The following BOD1L1 variants were observed in gnomAD, a reference collection of about 807,000 sequenced individuals.
BOD1L1 encodes biorientation of chromosomes in cell division protein 1-like 1.
In BOD1L1, 86 loss-of-function variants were observed where a neutral mutation model predicts 240.7. That is an observed-to-expected ratio of 0.36 (90% confidence interval 0.30 to 0.43). The LOEUF (loss-of-function observed/expected upper bound fraction) is 0.43, where lower values mean the gene tolerates loss of function less well. Among genes scored for constraint, BOD1L1 ranks in the 20% least tolerant of loss-of-function variants. The pLI, the probability that BOD1L1 is intolerant of heterozygous loss-of-function variation, is 1.00. For synonymous variants in BOD1L1, 1,268 were observed against 1,272.3 expected (o/e 1.00, Z 0.07); for missense variants, 3,554 against 3,643.5 (o/e 0.98, Z 0.63).
chr4:13,595,882 A>C lies in BOD1L1; in HGVS notation c.8082T>G (p.Cys2694Trp). ...GEILAPPESL[C>W]GGKPSGIAEL... Reference sequence around the variant, plus strand: ...CACCTATTCCACTTGGCTTTCCCCCACACAGACTTTCTGGTGGTGCCAGAA... The same window carrying C: ...CACCTATTCCACTTGGCTTTCCCCCCCACAGACTTTCTGGTGGTGCCAGAA... The change falls in exon 12 of 26, where the codon TGT (cysteine) becomes TGG (tryptophan). Residue 2694 changes from cysteine to tryptophan, a missense_variant. By Grantham distance (215) the Cys-to-Trp change is radical. Around this residue, in one of 2 missense-constraint regions of BOD1L1, gnomAD observed 3,393 missense variants for 3,427.1 expected, o/e 0.99. Transcript: ENST00000040738. The C allele has an allele frequency of 6.2e-7, 1 of 1,613,796 alleles. No homozygotes were observed. The highest frequency in any genetic ancestry group is 8.5e-7 in the Non-Finnish European group (1 of 1,179,840).
Position 13,596,073 on chromosome 4 carries a change from C to T in BOD1L1, c.8020-129G>A, listed in dbSNP as rs1263726540. On this transcript the variant is annotated intron_variant, in intron 11 of 25. Coordinates refer to ENST00000040738, the MANE Select transcript of BOD1L1 (RefSeq NM_148894.3). ...ATAAAAGCCTATTTTCAAGAGTACA[C>T]AAAACTTAAAAATAAATACATCAAC... The T allele has an allele frequency of 5.1e-5, 36 of 712,368 alleles. No homozygotes were observed. The Admixed American group carries it at 7.6e-4, about 15-fold the overall frequency. The allele number at this position is 712,368 out of a possible 1,614,324, so 44.1% of individuals were successfully genotyped here. A position where few individuals can be genotyped will look rare whatever the true frequency, so the allele number is the denominator to read the frequency against.
intron 24 of BOD1L1, among the ~76,000 whole-genome samples, 185 bp downstream of exon 24, chr4:13,577,218 T>G (rs1268642333): frequency 6.6e-6 from 1 of 152,168 alleles, no homozygotes; most frequent in Non-Finnish European, 1.5e-5. Context: ...CATAAAAAAT[T>G]GACATGTACT....
Position 13,604,499 on chromosome 4 carries a change from C to A in BOD1L1, c.2401G>T (p.Val801Leu). ...SKHRNERKLS[V>L]LGKDGKPVSE... is the part of the protein sequence containing the mutation. ...ACTGGCTTTCCATCTTTGCCTAATA[C>A]TGATAATTTCCTTTCATTCCTATGT... is the stretch of plus-strand genomic sequence containing the variant. The change falls in exon 10 of 26, where the codon GTA becomes TTA. Residue 801 changes from valine (V) to leucine (L), a missense_variant. Physicochemically the swap from Val to Leu is conservative, Grantham distance 32 (BLOSUM62 1). Coordinates refer to ENST00000040738, the MANE Select transcript of BOD1L1 (RefSeq NM_148894.3). 6.5e-7 allele frequency: 1 copy of A among 1,531,234 alleles called. No homozygotes were observed. Among genetic ancestry groups the A allele is most frequent in the South Asian group, 1.3e-5 (1 of 76,024 alleles). 94.9% of individuals were successfully genotyped at this position (1,531,234 alleles called of 1,614,324 possible). A position where few individuals can be genotyped will look rare whatever the true frequency, so the allele number is the denominator to read the frequency against.
chr4:13,586,315 A>C, intron 17 of BOD1L1, 81 bp downstream of exon 17: 1 of 694,160 alleles, frequency 1.4e-6, no homozygotes, highest in Non-Finnish European at 2.4e-6. Context: ...TGAAAAAAAT[A>C]TTATACTAAG....
chr4:13,591,197 C>A (rs1714184230), intron 13 of BOD1L1, among the ~76,000 whole-genome samples: 1 of 152,246 alleles, frequency 6.6e-6, no homozygotes, highest in East Asian at 1.9e-4. Flanking sequence ...TGCCACTGTG[C>A]CCAGCCATAA....
chr4:13,568,817 TAA>T lies in BOD1L1; in HGVS notation c.*1192_*1193del, dbSNP rs538099679. 3.2e-3 allele frequency: 483 copies of T among 151,894 alleles called. No homozygotes were observed. Among genetic ancestry groups the T allele is most frequent in the Non-Finnish European group, 4.7e-3 (316 of 67,880 alleles). 9.4% of individuals were successfully genotyped at this position (151,894 alleles called of 1,614,324 possible). ...AATGACAGAAATATCCACCTTACAT[TAA>T]GAGTCAAAATAAAAAAAAAAACCCA... On this transcript the variant is annotated 3_prime_UTR_variant, in exon 26 of 26. Transcript: ENST00000040738.
At position 13,586,486 on chromosome 4, in the gene BOD1L1, GT is replaced by G; in HGVS notation, c.8354-12del. The G allele has an allele frequency of 1.9e-6, 3 of 1,567,320 alleles. No individual in the cohort carries two copies. The highest frequency in any genetic ancestry group is 2.3e-5 in the South Asian group (2 of 87,264). ...CATCTGGATTATCATCTGTAAATCA[GT>G]TTAGACAGAATCACAAAGGAACAAA... On this transcript the variant is annotated splice_polypyrimidine_tract_variant and intron_variant, in intron 16 of 25. Coordinates refer to ENST00000040738, the MANE Select transcript of BOD1L1 (RefSeq NM_148894.3).
At chr4:13,624,238 T>C (rs1373278300) in intron 1 of BOD1L1, 1 of 149,604 alleles carries the variant, frequency 6.7e-6, no homozygotes, top group Non-Finnish European at 1.5e-5. Flanking sequence ...GAGAGAGAGA[T>C]TTTGTGGGAG....
chr4:13,591,833 C>G (rs1426154484), intron 13 of BOD1L1, 90 bp downstream of exon 13: 4 of 998,142 alleles, frequency 4.0e-6, no homozygotes, highest in African/African-American at 1.7e-5. Flanking sequence ...CAGGCAACCC[C>G]TTCAGATGGC....
At chr4:13,577,660 A>T (rs1712873761) in intron 22 of BOD1L1, 29 bp from the exon 23 acceptor site, 2 of 1,485,578 alleles carry the variant, frequency 1.3e-6, no homozygotes, top group Admixed American at 2.0e-5. Context: ...CTCTGCATTA[A>T]TATTTTATTA....
At position 13,613,462 on chromosome 4, in the gene BOD1L1, A is replaced by C; in HGVS notation, c.1324+50T>G. The C allele has an allele frequency of 6.5e-7, 1 of 1,537,078 alleles. No individual in the cohort carries two copies. Among genetic ancestry groups the C allele is most frequent in the African/African-American group, 1.4e-5 (1 of 73,476 alleles). On this transcript the variant is annotated intron_variant, in intron 5 of 25. Coordinates refer to ENST00000040738, the MANE Select transcript of BOD1L1 (RefSeq NM_148894.3). The surrounding 1 kb of genome is among the most constrained non-coding windows in gnomAD (Gnocchi z 4.0). ...AGGATATAGCCATCAGAATATACAA[A>C]TAATGCTTGACAGGATGCTTCAGAG... is the stretch of plus-strand genomic sequence containing the variant.
At position 13,582,226 on chromosome 4, in the gene BOD1L1, G is replaced by C; in HGVS notation, c.8592+11C>G. On this transcript the variant is annotated intron_variant, in intron 19 of 25. Coordinates refer to ENST00000040738, the MANE Select transcript of BOD1L1 (RefSeq NM_148894.3). ...AATTGTGAACAAACAAATACGAAAAGCACATCTCACCTCCTGAGATTTTAT... is the reference window on the plus strand; with the variant it reads ...AATTGTGAACAAACAAATACGAAAACCACATCTCACCTCCTGAGATTTTAT... The C allele has an allele frequency of 6.2e-7, 1 of 1,603,552 alleles. No homozygotes were observed. The highest frequency in any genetic ancestry group is 8.5e-7 in the Non-Finnish European group (1 of 1,172,890).
At chr4:13,572,731 T>G (rs1400227359) in intron 25 of BOD1L1, 1 of 1,289,784 alleles carries the variant, frequency 7.8e-7, no homozygotes, top group Non-Finnish European at 1.0e-6. Flanking sequence ...TACTAACTTT[T>G]TCGCTGGTAG....
rs545352207 is a variant in BOD1L1, at chr4:13,585,127, C to T, written c.8433+1269G>A. ...TTGTCTCAGGATTTTTGATTTTGGA[C>T]AGGGCAGGGTGAGGGATAGTTTAAG... On this transcript the variant is annotated intron_variant, in intron 17 of 25. Transcript: ENST00000040738. Among the ~76,000 whole-genome samples the T allele has an allele frequency of 1.2e-4, 19 of 152,272 alleles. No homozygotes were observed. The South Asian group carries it at 3.9e-3, about 32-fold the overall frequency.
At position 13,614,505 on chromosome 4, in the gene BOD1L1, C is replaced by T. The variant is rs144761044; in HGVS notation, c.865G>A (p.Glu289Lys). The change falls in exon 4 of 26, where the codon GAA becomes AAA. Residue 289 changes from glutamate to lysine, a missense_variant. Glu to Lys is a moderately conservative substitution (Grantham distance 56, BLOSUM62 1). Coordinates refer to ENST00000040738, the MANE Select transcript of BOD1L1 (RefSeq NM_148894.3). ...TGCTCTTTTGTGTAATTTTTAATTTCTTCGACTGGACAGGGGAGGTCGCTG... is the reference window on the plus strand; with the variant it reads ...TGCTCTTTTGTGTAATTTTTAATTTTTTCGACTGGACAGGGGAGGTCGCTG... ...EFSDLPCPVE[E>K]IKNYTKEHNN... is the part of the protein sequence containing the mutation. 2,049 of 1,613,774 alleles carry T rather than the reference C, an allele frequency of 1.3e-3. No homozygotes were observed. Among genetic ancestry groups the T allele is most frequent in the Non-Finnish European group, 1.6e-3 (1,834 of 1,179,848 alleles).
Position 13,614,867 on chromosome 4 carries a change from TA to T in BOD1L1, c.560-58del. On this transcript the variant is annotated intron_variant, in intron 3 of 25. Coordinates refer to ENST00000040738, the MANE Select transcript of BOD1L1 (RefSeq NM_148894.3). ...TTAATCAGAAGGAAAATACCTCTGC[TA>T]AATCAATACCACATGCCATTGTCAT... The T allele has an allele frequency of 4.1e-6, 6 of 1,468,888 alleles. No homozygotes were observed. The South Asian group carries it at 6.8e-5, about 17-fold the overall frequency. 91.0% of individuals were successfully genotyped at this position (1,468,888 alleles called of 1,614,324 possible).
Position 13,603,977 on chromosome 4 carries a change from C to T in BOD1L1, c.2923G>A (p.Glu975Lys). ...CTATGTGCTGAAGAAGAAGCAGTCT[C>T]TAATACAGGTTCAACACCAGTTTCT... ...FEETGVEPVL[E>K]TASSSAHSTQ... The change falls in exon 10 of 26, where the codon GAG becomes AAG. Residue 975 changes from glutamate to lysine, a missense_variant. Glu to Lys is a moderately conservative substitution (Grantham distance 56). Coordinates refer to ENST00000040738, the MANE Select transcript of BOD1L1 (RefSeq NM_148894.3). 6.2e-7 allele frequency: 1 copy of T among 1,613,920 alleles called. No individual in the cohort carries two copies. The highest frequency in any genetic ancestry group is 8.5e-7 in the Non-Finnish European group (1 of 1,179,884).
chr4:13,595,721 CCTAAT>C, intron 12 of BOD1L1, 134 bp downstream of exon 12: 1 of 592,022 alleles, frequency 1.7e-6, no homozygotes, highest in Non-Finnish European at 2.9e-6. Context: ...AAGAATTCTC[CCTAAT>C]CTATTTTAAA....
chr4:13,624,402 A>C (rs1232174144), intron 1 of BOD1L1: 1 of 152,138 alleles, frequency 6.6e-6, no homozygotes, highest in Non-Finnish European at 1.5e-5. Flanking sequence ...GTATTGAAAA[A>C]TGTGTATTGT....
Sources: gnomAD v4.1 joint callset for allele counts (sites outside exome capture counted in the v4.1 genomes callset) on GRCh38, gnomAD v4.1.1 for gene constraint, gnomAD v4.1.1 regional missense constraint, Gnocchi (gnomAD v3.1) non-coding constraint, MANE v1.5 for transcripts, NCBI Gene and HGNC (gene_info 2026-07-23, HGNC 2026-07-21) for gene names.